The following CAMK1D variants were observed in gnomAD, a reference collection of about 807,000 sequenced individuals.
CAMK1D encodes calcium/calmodulin-dependent protein kinase type 1D.
Under a neutral mutation model 47.7 loss-of-function variants are expected in CAMK1D, and 9 were observed. The ratio of observed to expected loss-of-function variants is 0.19; its 90% CI spans 0.11 to 0.33. The LOEUF (loss-of-function observed/expected upper bound fraction) is 0.33. Ranked by LOEUF, CAMK1D falls within the 10% of genes least tolerant of loss-of-function variation. CAMK1D has a pLI of 1.00. For synonymous variants in CAMK1D, 184 were observed against 184.9 expected (o/e 0.99, Z 0.04); for missense variants, 291 against 488.7 (o/e 0.60, Z 3.81).
chr10:12,517,369 GTCCTCACT>G (rs1835243639), intron 1 of CAMK1D, among the ~76,000 whole-genome samples: 1 of 152,078 alleles, frequency 6.6e-6, no homozygotes, highest in Non-Finnish European at 1.5e-5. Context: ...TTGCTTTATT[GTCCTCACT>G]AGGACTTTCA....
At chr10:12,777,802 T>G (rs1230889024) in intron 5 of CAMK1D, among the ~76,000 whole-genome samples, 2 of 152,248 alleles carry the variant, frequency 1.3e-5, no homozygotes, top group African/African-American at 4.8e-5. Context: ...ACTCACCTCC[T>G]TCCGCAGCCA....
At chr10:12,689,081 A>G (rs1170752319) in intron 3 of CAMK1D, among the ~76,000 whole-genome samples, 1 of 152,204 alleles carries the variant, frequency 6.6e-6, no homozygotes, top group African/African-American at 2.4e-5. Context: ...CAGCGGGAGG[A>G]TGGTGTTCTA....
chr10:12,701,257 C>T (rs1833507635), intron 3 of CAMK1D, among the ~76,000 whole-genome samples: 1 of 152,162 alleles, frequency 6.6e-6, no homozygotes, highest in African/African-American at 2.4e-5. Flanking sequence ...GGATCTCATA[C>T]ATTATTCTTT....
In CAMK1D at chr10:12,816,872, CAAA is replaced by C. The variant is rs71386122; in HGVS notation, c.833+566_833+568del. 6.0e-3 allele frequency among the ~76,000 whole-genome samples: 345 copies of C among 57,416 alleles called. 2 individuals carry two copies. Among genetic ancestry groups the C allele is most frequent in the Middle Eastern group, 0.033 (4 of 120 alleles). The allele number at this position is 57,416 out of a possible 152,430, so 37.7% of individuals were successfully genotyped here. The stretch of plus-strand genomic sequence containing the variant: ...GGGCAACAAGAGCAAAACTCTGTCT[CAAA>C]AAAAAAAAAAAAAAAAAAAAAGACA... On this transcript the variant is annotated intron_variant, in intron 8 of 10. Coordinates refer to ENST00000619168, the MANE Select transcript of CAMK1D (RefSeq NM_153498.4).
At chr10:12,626,428 G>T (rs1175530741) in intron 2 of CAMK1D, among the ~76,000 whole-genome samples, 1 of 150,338 alleles carries the variant, frequency 6.7e-6, no homozygotes, top group Non-Finnish European at 1.5e-5. Context: ...GATTCACTTT[G>T]AATTCTTTAC....
At chr10:12,629,199 G>T (rs1361901482) in intron 2 of CAMK1D, among the ~76,000 whole-genome samples, 1 of 152,208 alleles carries the variant, frequency 6.6e-6, no homozygotes, top group Admixed American at 6.5e-5. Context: ...TCCACTGTAT[G>T]CAGTAATCTT....
At chr10:12,762,362 A>C (rs1164611279) in intron 4 of CAMK1D, among the ~76,000 whole-genome samples, 3 of 152,250 alleles carry the variant, frequency 2.0e-5, no homozygotes, top group African/African-American at 7.2e-5. Context: ...TTGTATAAAC[A>C]GAGTTTCCAC....
At position 12,374,658 on chromosome 10, in the gene CAMK1D, G is replaced by C. The variant is rs562752754; in HGVS notation, c.92+24748G>C. On this transcript the variant is annotated intron_variant, in intron 1 of 10. Transcript: ENST00000619168. ...TTTTTCTTTTTTTAGAAATATTTCT[G>C]TGGACCGGGCGCATTGGCTCATGCC... is the stretch of plus-strand genomic sequence containing the variant. Among the ~76,000 whole-genome samples, 7 of 152,150 alleles carry C rather than the reference G, an allele frequency of 4.6e-5. No homozygotes were observed. In the East Asian group the frequency reaches 1.4e-3, roughly 29 times the overall value.
At chr10:12,620,534 T>C (rs1838968136) in intron 2 of CAMK1D, among the ~76,000 whole-genome samples, 1 of 152,268 alleles carries the variant, frequency 6.6e-6, no homozygotes, top group Admixed American at 6.5e-5. Flanking sequence ...GTTGTACATC[T>C]TTCTATGGGC....
At chr10:12,389,661 G>A (rs942524670) in intron 1 of CAMK1D, among the ~76,000 whole-genome samples, 5 of 152,156 alleles carry the variant, frequency 3.3e-5, no homozygotes, top group African/African-American at 7.2e-5. Context: ...GTTGGCGACC[G>A]TCCAGTTATT....
intron 1 of CAMK1D, among the ~76,000 whole-genome samples, chr10:12,427,272 C>G (rs1840266169): frequency 6.6e-6 from 1 of 152,198 alleles, no homozygotes; most frequent in African/African-American, 2.4e-5. Flanking sequence ...GACCCAAAGA[C>G]CAGTTCACCC....
chr10:12,388,809 C>T (rs1002699309), intron 1 of CAMK1D, among the ~76,000 whole-genome samples: 2 of 152,272 alleles, frequency 1.3e-5, no homozygotes, highest in South Asian at 2.1e-4. Flanking sequence ...GGAAAACCAT[C>T]CCACCGCTTA....
At chr10:12,406,459 C>T (rs375950202) in intron 1 of CAMK1D, among the ~76,000 whole-genome samples, 1 of 151,764 alleles carries the variant, frequency 6.6e-6, no homozygotes, top group East Asian at 1.9e-4. Context: ...GCCTGTAATC[C>T]CAGCACTTTG....
chr10:12,615,314 A>G (rs1424264716), intron 2 of CAMK1D, among the ~76,000 whole-genome samples: 2 of 152,218 alleles, frequency 1.3e-5, no homozygotes, highest in Middle Eastern at 3.2e-3. Flanking sequence ...TTTATATTCC[A>G]TTTCCATCTA....
intron 3 of CAMK1D, among the ~76,000 whole-genome samples, chr10:12,756,458 T>C (rs77478259): frequency 0.033 from 4,975 of 152,352 alleles, 161 homozygotes; most frequent in African/African-American, 0.084. Context: ...TTCAAAATGA[T>C]GTTATGTTTT....
intron 2 of CAMK1D, among the ~76,000 whole-genome samples, chr10:12,582,364 A>G (rs1352046593): frequency 2.0e-5 from 3 of 152,100 alleles, no homozygotes; most frequent in Non-Finnish European, 4.4e-5. Context: ...TGCTTTGGCT[A>G]TGTGGACTCT....
intron 1 of CAMK1D, among the ~76,000 whole-genome samples, chr10:12,528,639 G>A (rs1243754665): frequency 2.0e-5 from 3 of 152,282 alleles, no homozygotes; most frequent in Admixed American, 6.5e-5. Context: ...ACCCTCATGG[G>A]TAGGAAGGCA....
At chr10:12,697,480 C>T (rs1369461614) in intron 3 of CAMK1D, among the ~76,000 whole-genome samples, 1 of 152,200 alleles carries the variant, frequency 6.6e-6, no homozygotes, top group African/African-American at 2.4e-5. Flanking sequence ...CTCACTGCAA[C>T]CTCCGCCTTC....
At chr10:12,500,176 G>T (rs113314392) in intron 1 of CAMK1D, among the ~76,000 whole-genome samples, 50 of 152,292 alleles carry the variant, frequency 3.3e-4, no homozygotes, top group African/African-American at 1.2e-3. Context: ...TGAGGCAAGA[G>T]AATCGCTTGA....
Sources: allele counts gnomAD v4.1 joint callset (sites outside exome capture counted in the v4.1 genomes callset), GRCh38; gene constraint gnomAD v4.1.1; transcripts MANE v1.5; gene names NCBI Gene and HGNC (gene_info 2026-07-23, HGNC 2026-07-21).